LDB2: variants seen among roughly 807,000 people sequenced by gnomAD.
LDB2 encodes LIM domain-binding protein 2.
In LDB2, 12 loss-of-function variants were observed where a neutral mutation model predicts 44.3. The observed-to-expected ratio is 0.27, with a 90% CI of 0.17 to 0.44. The LOEUF is 0.44. Among genes scored for constraint, LDB2 ranks in the 20% least tolerant of loss-of-function variants. The pLI, the probability that LDB2 is intolerant of heterozygous loss-of-function variation, is 1.00. For synonymous variants in LDB2, 164 were observed against 174.8 expected, an observed-to-expected ratio of 0.94 and a Z score of 0.49; for missense variants, 344 against 473.5, an observed-to-expected ratio of 0.73 and a Z score of 2.54.
At chr4:16,589,744 G>C (rs1718248316) in intron 3 of LDB2, among the ~76,000 whole-genome samples, 1 of 152,108 alleles carries the variant, frequency 6.6e-6, no homozygotes, top group African/African-American at 2.4e-5. Flanking sequence ...AATTTAAATA[G>C]TTACAACTCA....
chr4:16,858,358 A>G (rs1789795717), intron 1 of LDB2, among the ~76,000 whole-genome samples: 1 of 152,218 alleles, frequency 6.6e-6, no homozygotes, highest in Non-Finnish European at 1.5e-5. Flanking sequence ...TTATTGCTCC[A>G]AGGAGGGCTT....
At chr4:16,557,594 A>C (rs1740222075) in intron 5 of LDB2, among the ~76,000 whole-genome samples, 1 of 152,248 alleles carries the variant, frequency 6.6e-6, no homozygotes. Flanking sequence ...ACCACAGCTC[A>C]AGGAGGGCTG....
intron 1 of LDB2, among the ~76,000 whole-genome samples, chr4:16,872,729 T>C (rs1385546431): frequency 6.6e-6 from 1 of 152,158 alleles, no homozygotes; most frequent in Non-Finnish European, 1.5e-5. Flanking sequence ...AAAAATAATA[T>C]TTGCAAATAG....
At chr4:16,813,417 A>G (rs992818895) in intron 1 of LDB2, among the ~76,000 whole-genome samples, 1 of 152,330 alleles carries the variant, frequency 6.6e-6, no homozygotes, top group African/African-American at 2.4e-5. Context: ...TACTCAGTAA[A>G]TACGAGACAA....
At chr4:16,718,303 C>T (rs1009868359) in intron 2 of LDB2, among the ~76,000 whole-genome samples, 1 of 151,932 alleles carries the variant, frequency 6.6e-6, no homozygotes, top group African/African-American at 2.4e-5. Flanking sequence ...TATATGTAAC[C>T]TACATAACTT....
At chr4:16,504,458 G>T (rs1718567174) in intron 7 of LDB2, among the ~76,000 whole-genome samples, 1 of 152,176 alleles carries the variant, frequency 6.6e-6, no homozygotes. Context: ...GTCCCAAATG[G>T]AGTAAGTAAG....
chr4:16,889,271 C>T (rs1341341596), intron 1 of LDB2: 1 of 152,204 alleles, frequency 6.6e-6, no homozygotes, highest in Non-Finnish European at 1.5e-5. Flanking sequence ...GGAAATGTAA[C>T]ATATTATCAT....
intron 1 of LDB2, among the ~76,000 whole-genome samples, chr4:16,814,544 A>G (rs1161258235): frequency 6.6e-6 from 1 of 152,100 alleles, no homozygotes; most frequent in Admixed American, 6.6e-5. Context: ...AACCCCTGTA[A>G]TCCTCCAATA....
chr4:16,791,077 CT>C (rs1775599874), intron 1 of LDB2, among the ~76,000 whole-genome samples: 1 of 152,196 alleles, frequency 6.6e-6, no homozygotes, highest in Admixed American at 6.5e-5. Context: ...ACCAGGTTAG[CT>C]TTCTCTACTG....
At chr4:16,609,009 C>A (rs913885313) in intron 2 of LDB2, among the ~76,000 whole-genome samples, 1 of 152,112 alleles carries the variant, frequency 6.6e-6, no homozygotes, top group African/African-American at 2.4e-5. Context: ...TAGAAAAAAC[C>A]GTAATAAGCG....
At chr4:16,846,097 G>C (rs984376783) in intron 1 of LDB2, among the ~76,000 whole-genome samples, 1 of 144,742 alleles carries the variant, frequency 6.9e-6, no homozygotes, top group African/African-American at 2.5e-5. Context: ...CTGGGCGACA[G>C]AGCAAGACTC....
At chr4:16,597,572 C>T (rs1845916) in intron 2 of LDB2, among the ~76,000 whole-genome samples, 77,521 of 152,014 alleles carry the variant, frequency 0.51, 20,038 homozygotes, top group Middle Eastern at 0.68. Flanking sequence ...CTAATTATCA[C>T]AAATCAGCCT....
chr4:16,778,517 G>A (rs1490835628), intron 1 of LDB2, among the ~76,000 whole-genome samples: 1 of 152,114 alleles, frequency 6.6e-6, no homozygotes, highest in Non-Finnish European at 1.5e-5. Flanking sequence ...AAGAGTGTTT[G>A]TGAGTTTGTG....
intron 5 of LDB2, among the ~76,000 whole-genome samples, chr4:16,578,035 C>T (rs1024183649): frequency 6.6e-6 from 1 of 152,084 alleles, no homozygotes; most frequent in African/African-American, 2.4e-5. Context: ...AATTAGACCC[C>T]TATTTCTCAC....
intron 1 of LDB2, among the ~76,000 whole-genome samples, chr4:16,857,805 C>T (rs543197273): frequency 2.9e-4 from 44 of 152,250 alleles, no homozygotes; most frequent in African/African-American, 9.6e-4. Flanking sequence ...GCAAACCTCC[C>T]GACCCAACTT....
intron 2 of LDB2, among the ~76,000 whole-genome samples, chr4:16,712,184 C>T (rs1756034292): frequency 1.3e-5 from 2 of 152,094 alleles, no homozygotes; most frequent in Admixed American, 6.5e-5. Context: ...GAATTGTATC[C>T]AGAATATATA....
chr4:16,790,601 G>GT (rs1208981641), intron 1 of LDB2, among the ~76,000 whole-genome samples: 3 of 152,068 alleles, frequency 2.0e-5, no homozygotes, highest in African/African-American at 7.2e-5. Context: ...CTAAGGATGC[G>GT]TTTTTCAGAA....
At chr4:16,561,752 G>T (rs139230370) in intron 5 of LDB2, among the ~76,000 whole-genome samples, 16,738 of 152,086 alleles carry the variant, frequency 0.11, 1,035 homozygotes, top group East Asian at 0.22. Flanking sequence ...AAAAGAGCCC[G>T]CATCGCCAAG....
At chr4:16,892,613 T>A (rs750187972) in intron 1 of LDB2, among the ~76,000 whole-genome samples, 1 of 152,216 alleles carries the variant, frequency 6.6e-6, no homozygotes, top group African/African-American at 2.4e-5. Context: ...AGTAAGTTTA[T>A]GAATTTTGTT....
Sources: gnomAD v4.1 joint callset for allele counts (sites outside exome capture counted in the v4.1 genomes callset) on GRCh38, gnomAD v4.1.1 for gene constraint, MANE v1.5 for transcripts, NCBI Gene and HGNC (gene_info 2026-07-23, HGNC 2026-07-21) for gene names.